The following VAC14 variants were observed in gnomAD, a reference collection of about 807,000 sequenced individuals.
VAC14 encodes VAC14 component of PIKFYVE complex.
A neutral mutation model predicts 85.3 loss-of-function variants in VAC14; 47 were observed. That is an observed-to-expected ratio of 0.55 (90% CI 0.44 to 0.70). The LOEUF (loss-of-function observed/expected upper bound fraction) is 0.70, where lower values mean the gene tolerates loss of function less well. Ranked by LOEUF, VAC14 falls within the 30% of genes least tolerant of loss-of-function variation. The pLI is 0.00. For synonymous variants in VAC14, 447 were observed against 430.5 expected, an observed-to-expected ratio of 1.04 and a Z score of -0.47; for missense variants, 861 against 1,004.3, an observed-to-expected ratio of 0.86 and a Z score of 1.93.
rs150910790 is a variant in VAC14 at position 70,798,097 on chromosome 16, G to C, written c.104+2700C>G. ...ATATTATTATTATGCTCTTTTTACA[G>C]ATGAAGAAATTGAGGCACAGAGGTT... On this transcript the variant is annotated intron_variant, in intron 1 of 18. Transcript: ENST00000261776. Among the ~76,000 whole-genome samples, 31 of 152,316 alleles carry C rather than the reference G, an allele frequency of 2.0e-4. 1 individual carries two copies. The highest frequency in any genetic ancestry group is 4.3e-4 in the Non-Finnish European group (29 of 68,030).
At chr16:70,798,324 T>C (rs2034633199) in intron 1 of VAC14, among the ~76,000 whole-genome samples, 1 of 152,200 alleles carries the variant, frequency 6.6e-6, no homozygotes, top group African/African-American at 2.4e-5. Context: ...ACTGCCAATA[T>C]TCGGACTCTT....
chr16:70,744,313 C>G, intron 13 of VAC14, 110 bp downstream of exon 13: 4 of 1,443,328 alleles, frequency 2.8e-6, no homozygotes, highest in Non-Finnish European at 3.7e-6. Flanking sequence ...CACACCCTGG[C>G]AGAGCTCCAG....
intron 14 of VAC14, among the ~76,000 whole-genome samples, chr16:70,725,328 T>C (rs1244921618): frequency 7.9e-5 from 12 of 152,220 alleles, no homozygotes. Context: ...GCCGGTGGCC[T>C]TGGACACCTT....
intron 12 of VAC14, among the ~76,000 whole-genome samples, chr16:70,754,562 C>T (rs901336142): frequency 2.6e-5 from 4 of 152,116 alleles, no homozygotes; most frequent in Non-Finnish European, 5.9e-5. Flanking sequence ...CAGGGACAGC[C>T]GCGGGGAGAG....
intron 14 of VAC14, among the ~76,000 whole-genome samples, chr16:70,710,769 CCAG>C (rs2054016626): frequency 6.6e-6 from 1 of 152,250 alleles, no homozygotes; most frequent in South Asian, 2.1e-4. Flanking sequence ...CAACTTGGGT[CCAG>C]CAGCCCCAGT....
intron 12 of VAC14, among the ~76,000 whole-genome samples, chr16:70,750,567 G>A (rs1305899058): frequency 6.6e-6 from 1 of 152,152 alleles, no homozygotes; most frequent in Non-Finnish European, 1.5e-5. Flanking sequence ...TCACAAAGCA[G>A]CTCTGGAGGG....
chr16:70,793,791 T>C (rs543881433), intron 1 of VAC14, among the ~76,000 whole-genome samples: 2 of 152,354 alleles, frequency 1.3e-5, no homozygotes, highest in Middle Eastern at 6.8e-3. Flanking sequence ...TGCTCTGTAC[T>C]GCACATGCTC....
intron 15 of VAC14, among the ~76,000 whole-genome samples, chr16:70,698,417 G>A (rs941072540): frequency 7.2e-5 from 11 of 152,148 alleles, no homozygotes; most frequent in Admixed American, 3.3e-4. Flanking sequence ...ACCCTCCTGC[G>A]GGCAGAGACC....
chr16:70,728,059 C>T (rs1463203214), intron 14 of VAC14, among the ~76,000 whole-genome samples: 1 of 152,244 alleles, frequency 6.6e-6, no homozygotes, highest in Non-Finnish European at 1.5e-5. Context: ...TTCCTTCTGT[C>T]CCAGCCCACT....
chr16:70,702,179 C>A (rs1422654381), intron 14 of VAC14, among the ~76,000 whole-genome samples: 1 of 152,232 alleles, frequency 6.6e-6, no homozygotes, highest in Non-Finnish European at 1.5e-5. Flanking sequence ...TGTGCAAACA[C>A]CAGTGTGTGG....
chr16:70,737,438 G>A (rs1045943393), intron 13 of VAC14, among the ~76,000 whole-genome samples: 8 of 152,214 alleles, frequency 5.3e-5, no homozygotes, highest in Admixed American at 1.3e-4. Flanking sequence ...GGCTCTCTTT[G>A]AGGGGCCCAG....
At chr16:70,748,523 A>T (rs932449675) in intron 12 of VAC14, among the ~76,000 whole-genome samples, 2 of 152,234 alleles carry the variant, frequency 1.3e-5, no homozygotes, top group East Asian at 1.9e-4. Flanking sequence ...CCATTCATGG[A>T]CGCAGAACCA....
chr16:70,793,715 G>C (rs1283433433), intron 1 of VAC14, among the ~76,000 whole-genome samples: 5 of 152,186 alleles, frequency 3.3e-5, no homozygotes, highest in African/African-American at 4.8e-5. Flanking sequence ...CTCAGCTGTA[G>C]GTGGGTTAAT....
At chr16:70,744,101 C>A (rs2030632864) in intron 13 of VAC14, among the ~76,000 whole-genome samples, 1 of 152,180 alleles carries the variant, frequency 6.6e-6, no homozygotes, top group African/African-American at 2.4e-5. Context: ...GGATTCCAGA[C>A]TGGAGAGATG....
At chr16:70,734,367 A>G (rs1385646724) in intron 13 of VAC14, among the ~76,000 whole-genome samples, 2 of 150,868 alleles carry the variant, frequency 1.3e-5, no homozygotes, top group Admixed American at 1.3e-4. Context: ...TCCTGGGCCC[A>G]AGGGACCCTT....
intron 1 of VAC14, among the ~76,000 whole-genome samples, chr16:70,791,390 T>A (rs1349259750): frequency 6.6e-6 from 1 of 152,154 alleles, no homozygotes; most frequent in Non-Finnish European, 1.5e-5. Context: ...CTCCACAACT[T>A]TTTTTTCCCT....
At chr16:70,696,299 G>A (rs2053708990) in intron 16 of VAC14, among the ~76,000 whole-genome samples, 1 of 152,126 alleles carries the variant, frequency 6.6e-6, no homozygotes, top group Non-Finnish European at 1.5e-5. Flanking sequence ...GATCGCTTGA[G>A]GTCAGGAGTT....
At chr16:70,691,512 C>T in intron 18 of VAC14, 2 of 985,474 alleles carry the variant, frequency 2.0e-6, no homozygotes, top group Non-Finnish European at 2.4e-6. Flanking sequence ...CCCAGGAACC[C>T]ACACATGCGC....
rs75863277 is a variant in VAC14, at chr16:70,696,050, A to G, written c.1956-427T>C. On this transcript the variant is annotated intron_variant, in intron 16 of 18. Transcript: ENST00000261776. ...CAGGTTGTAGAAGGGAAGCAGGCAC[A>G]CTGTGGGGAGCCAGGCAGGGCCACA... is the stretch of plus-strand genomic sequence containing the variant. 4.4e-3 allele frequency among the ~76,000 whole-genome samples: 673 copies of G among 152,312 alleles called. 2 individuals are homozygous for G. The highest frequency in any genetic ancestry group is 0.017 in the Middle Eastern group (5 of 294).
Sources: allele counts gnomAD v4.1 joint callset (sites outside exome capture counted in the v4.1 genomes callset), GRCh38; gene constraint gnomAD v4.1.1; transcripts MANE v1.5; gene names NCBI Gene and HGNC (gene_info 2026-07-23, HGNC 2026-07-21).